The following IQCH variants were observed in gnomAD, a reference collection of about 807,000 sequenced individuals.
IQCH encodes IQ domain-containing protein H.
In IQCH, 98 loss-of-function variants were observed where a neutral mutation model predicts 117.0. The ratio of observed to expected loss-of-function variants is 0.84; its 90% confidence interval spans 0.71 to 0.99. The LOEUF (loss-of-function observed/expected upper bound fraction) is 0.99. Among genes scored for constraint, IQCH ranks in the 50% least tolerant of loss-of-function variants. The pLI, the probability that IQCH is intolerant of heterozygous loss-of-function variation, is 0.00. For synonymous variants in IQCH, 412 were observed against 448.2 expected (o/e 0.92, Z 1.02); for missense variants, 1,102 against 1,243.8 (o/e 0.89, Z 1.72).
intron 16 of IQCH, among the ~76,000 whole-genome samples, chr15:67,429,234 C>G (rs940291480): frequency 2.8e-4 from 43 of 152,196 alleles, no homozygotes; most frequent in African/African-American, 1.0e-3. Context: ...GTATTATAGT[C>G]TAGGCTCAGT....
intron 17 of IQCH, among the ~76,000 whole-genome samples, chr15:67,471,279 T>G (rs1226815936): frequency 2.1e-5 from 2 of 96,102 alleles, no homozygotes; most frequent in Non-Finnish European, 4.3e-5. Context: ...TTAATTTCAA[T>G]AGATATTTCC....
rs1596426265 is a variant in IQCH, at chr15:67,459,747, G to C, written c.2506-5380G>C. 6.6e-6 allele frequency: 1 copy of C among 152,312 alleles called. No individual in the cohort carries two copies. Among genetic ancestry groups the C allele is most frequent in the Non-Finnish European group, 1.5e-5 (1 of 68,130 alleles). The allele number at this position is 152,312 out of a possible 1,614,324, so 9.4% of individuals were successfully genotyped here. On this transcript the variant is annotated intron_variant, in intron 16 of 20. Transcript: ENST00000335894. This position sits in a 1 kb window ranked among gnomAD's most constrained non-coding sequence, Gnocchi z 4.2. ...TCACACGGCATCCAGCACAGTAGCA[G>C]TCAGGGCAGTGGAGAGCAGGGGCCT...
chr15:67,285,657 G>A (rs8025414), intron 4 of IQCH, among the ~76,000 whole-genome samples: 102,685 of 151,986 alleles, frequency 0.68, 35,288 homozygotes, highest in Middle Eastern at 0.84. Flanking sequence ...TCCAGTTTCA[G>A]TCTTCTGCAT....
At chr15:67,498,825 T>C (rs1487163914) in intron 20 of IQCH, among the ~76,000 whole-genome samples, 2 of 152,144 alleles carry the variant, frequency 1.3e-5, no homozygotes, top group Non-Finnish European at 2.9e-5. Flanking sequence ...CAAAGAACAC[T>C]ATCAAGAAAG....
In IQCH at chr15:67,498,496, A is replaced by ATCCCAGCT. The variant is rs1248322504; in HGVS notation, c.2971-2136_2971-2129dup. 3.3e-5 allele frequency among the ~76,000 whole-genome samples: 5 copies of ATCCCAGCT among 152,050 alleles called. No individual in the cohort carries two copies. In the South Asian group the frequency reaches 8.3e-4, roughly 25 times the overall value. The stretch of plus-strand genomic sequence containing the variant: ...CCCAGGCATGTGGCATGCACCTGTA[A>ATCCCAGCT]TCCCAGCTACTCAGGAGGCTGAGGC... On this transcript the variant is annotated intron_variant, in intron 20 of 20. Coordinates refer to ENST00000335894, the MANE Select transcript of IQCH (RefSeq NM_001031715.3).
intron 5 of IQCH, among the ~76,000 whole-genome samples, chr15:67,340,767 T>G (rs548508893): frequency 1.3e-5 from 2 of 152,316 alleles, no homozygotes; most frequent in Admixed American, 1.3e-4. Context: ...ACAGAATTCC[T>G]TTATGATCTA....
At chr15:67,362,997 C>G (rs1279463681) in intron 8 of IQCH, among the ~76,000 whole-genome samples, 1 of 152,158 alleles carries the variant, frequency 6.6e-6, no homozygotes, top group Non-Finnish European at 1.5e-5. Flanking sequence ...TTGTCTTGCC[C>G]TAAAGGGCTG....
chr15:67,394,042 G>A (rs1255962307), intron 12 of IQCH, among the ~76,000 whole-genome samples: 1 of 152,074 alleles, frequency 6.6e-6, no homozygotes, highest in East Asian at 1.9e-4. Context: ...AAGTGATAGA[G>A]CTGAATTCAA....
intron 8 of IQCH, among the ~76,000 whole-genome samples, chr15:67,367,179 A>ATGTTATG (rs1365372036): frequency 6.6e-6 from 1 of 152,142 alleles, no homozygotes; most frequent in Non-Finnish European, 1.5e-5. Flanking sequence ...ACACCACACT[A>ATGTTATG]TGTTATGTTC....
chr15:67,367,883 T>A (rs1970391131), intron 8 of IQCH, among the ~76,000 whole-genome samples: 1 of 152,192 alleles, frequency 6.6e-6, no homozygotes, highest in African/African-American at 2.4e-5. Context: ...AATTTTGTCT[T>A]ATAGTAACAA....
chr15:67,265,353 C>G (rs1302704819), intron 3 of IQCH, among the ~76,000 whole-genome samples: 1 of 152,182 alleles, frequency 6.6e-6, no homozygotes, highest in Non-Finnish European at 1.5e-5. Context: ...GGAGTTAGTT[C>G]CCAGAAGTGG....
At position 67,370,768 on chromosome 15, in the gene IQCH, G is replaced by A. The variant is rs1388805358; in HGVS notation, c.754-1343G>A. On this transcript the variant is annotated intron_variant, in intron 8 of 20. Transcript: ENST00000335894. This position sits in a 1 kb window ranked among gnomAD's most constrained non-coding sequence, Gnocchi z 5.6. The stretch of plus-strand genomic sequence containing the variant: ...AAAAGTACACAAAAAGCTCACTGCT[G>A]TTTAAAGTCTGCTTCTAAAGTGAAA... Among the ~76,000 whole-genome samples, 1 of 152,170 alleles carries A rather than the reference G, an allele frequency of 6.6e-6. No homozygotes were observed. Among genetic ancestry groups the A allele is most frequent in the Non-Finnish European group, 1.5e-5 (1 of 68,024 alleles).
intron 4 of IQCH, among the ~76,000 whole-genome samples, chr15:67,319,230 AAGAAAG>A (rs1967997645): frequency 6.6e-6 from 1 of 152,200 alleles, no homozygotes; most frequent in African/African-American, 2.4e-5. Context: ...TGTTGAAAGA[AAGAAAG>A]AGAAAGAGAG....
chr15:67,286,893 G>A (rs1966584073), intron 4 of IQCH, among the ~76,000 whole-genome samples: 1 of 152,164 alleles, frequency 6.6e-6, no homozygotes, highest in African/African-American at 2.4e-5. Flanking sequence ...GATTACAGGT[G>A]TGAGCCACCA....
chr15:67,306,909 T>G lies in IQCH; in HGVS notation c.387+27397T>G, dbSNP rs545171971. 14 of 1,485,896 alleles carry G rather than the reference T, an allele frequency of 9.4e-6. No homozygotes were observed. In the African/African-American group the frequency reaches 1.8e-4, roughly 19 times the overall value. 92.0% of individuals were successfully genotyped at this position (1,485,896 alleles called of 1,614,324 possible). ...CACTGACATCCAGTTCCAGTTAGAC[T>G]TTATAATACAACACATTAAGAAATC... On this transcript the variant is annotated intron_variant, in intron 4 of 20. Transcript: ENST00000335894.
intron 4 of IQCH, among the ~76,000 whole-genome samples, chr15:67,324,285 A>G (rs1353053168): frequency 6.7e-6 from 1 of 148,358 alleles, no homozygotes; most frequent in South Asian, 2.1e-4. Context: ...TGCTGGTAAC[A>G]CTTGCCTGTC....
chr15:67,467,537 A>G lies in IQCH; in HGVS notation c.2676+2240A>G, dbSNP rs2082965532. Among the ~76,000 whole-genome samples the G allele has an allele frequency of 6.6e-6, 1 of 152,248 alleles. No individual in the cohort carries two copies. The highest frequency in any genetic ancestry group is 1.5e-5 in the Non-Finnish European group (1 of 68,046). ...GCTATGCAGGTTTTCTGGTGTAGGA[A>G]TAAATTGAAAGGGCTTTTCATTTTA... is the stretch of plus-strand genomic sequence containing the variant. On this transcript the variant is annotated intron_variant, in intron 17 of 20. Coordinates refer to ENST00000335894, the MANE Select transcript of IQCH (RefSeq NM_001031715.3). The surrounding 1 kb of genome is among the most constrained non-coding windows in gnomAD (Gnocchi z 5.7).
intron 3 of IQCH, among the ~76,000 whole-genome samples, chr15:67,264,660 A>T (rs1017553822): frequency 1.3e-5 from 2 of 152,136 alleles, no homozygotes; most frequent in Non-Finnish European, 2.9e-5. Context: ...AACTGGTATC[A>T]CATCTACTCT....
At chr15:67,329,383 G>T (rs1461715429) in intron 4 of IQCH, among the ~76,000 whole-genome samples, 2 of 151,938 alleles carry the variant, frequency 1.3e-5, no homozygotes, top group African/African-American at 2.4e-5. Flanking sequence ...TTTATGGAGT[G>T]CATCTCCATA....
Sources: gnomAD v4.1 joint callset for allele counts (sites outside exome capture counted in the v4.1 genomes callset) on GRCh38, gnomAD v4.1.1 for gene constraint, Gnocchi (gnomAD v3.1) non-coding constraint, MANE v1.5 for transcripts, NCBI Gene and HGNC (gene_info 2026-07-23, HGNC 2026-07-21) for gene names.